SEMA3A: variants seen among roughly 807,000 people sequenced by gnomAD.
SEMA3A encodes the protein semaphorin-3A.
Under a neutral mutation model 97.9 loss-of-function variants are expected in SEMA3A, and 29 were observed. That is an observed-to-expected ratio of 0.30 (90% CI 0.22 to 0.40). The LOEUF (loss-of-function observed/expected upper bound fraction) is 0.40. SEMA3A is among the 10% of genes least tolerant of loss of function. The probability of loss-of-function intolerance (pLI) is 1.00; values close to 1 mark genes in which losing one functional copy is unlikely to be tolerated. For synonymous variants in SEMA3A, 321 were observed against 323.7 expected (o/e 0.99, Z 0.09); for missense variants, 763 against 951.3 (o/e 0.80, Z 2.60).
chr7:83,974,771 C>A (rs1361518892), intron 15 of SEMA3A, among the ~76,000 whole-genome samples: 1 of 151,922 alleles, frequency 6.6e-6, no homozygotes, highest in African/African-American at 2.4e-5. Context: ...TATGTGTAGT[C>A]ATTATCAAAA....
intron 15 of SEMA3A, among the ~76,000 whole-genome samples, chr7:83,967,981 T>C (rs1183173688): frequency 6.6e-6 from 1 of 152,172 alleles, no homozygotes; most frequent in Non-Finnish European, 1.5e-5. Flanking sequence ...TACTACTTTA[T>C]TATTTGCTAT....
chr7:84,260,509 C>T (rs1425802541), intron 3 of SEMA3A, among the ~76,000 whole-genome samples: 4 of 152,292 alleles, frequency 2.6e-5, no homozygotes, highest in African/African-American at 9.6e-5. Flanking sequence ...ACCAGAAAGC[C>T]TTTCACCCCT....
At chr7:84,472,432 C>T (rs943588574) in intron 1 of SEMA3A, among the ~76,000 whole-genome samples, 17 of 152,210 alleles carry the variant, frequency 1.1e-4, no homozygotes, top group African/African-American at 3.6e-4. Context: ...TAGGCTAAAA[C>T]GCATTAGTGC....
intron 4 of SEMA3A, among the ~76,000 whole-genome samples, chr7:84,062,763 G>A (rs1793294129): frequency 6.6e-6 from 1 of 152,174 alleles, no homozygotes; most frequent in Non-Finnish European, 1.5e-5. Context: ...TGGCTTGGAG[G>A]GTCCTACACC....
chr7:83,981,483 G>A lies in SEMA3A; in HGVS notation c.1495-5C>T, dbSNP rs201612526. ...TGAACCAATATATAGTTGTTGCTGT[G>A]GAAAGAGTTTACTGCTGTGACAAAA... On this transcript the variant is annotated splice_polypyrimidine_tract_variant and splice_region_variant and intron_variant, in intron 13 of 16. Transcript: ENST00000265362. 21 of 1,586,018 alleles carry A rather than the reference G, an allele frequency of 1.3e-5. No individual in the cohort carries two copies. In the Admixed American group the frequency reaches 3.7e-4, roughly 28 times the overall value.
chr7:84,129,094 G>C, intron 3 of SEMA3A, 29 bp downstream of exon 3: 9 of 1,534,414 alleles, frequency 5.9e-6, no homozygotes, highest in Non-Finnish European at 8.1e-6. Flanking sequence ...TACTCAACCT[G>C]TATAATAATT....
intron 16 of SEMA3A, 43 bp downstream of exon 16, chr7:83,963,162 T>A (rs774892934): frequency 3.1e-6 from 5 of 1,597,230 alleles, no homozygotes; most frequent in Non-Finnish European, 4.3e-6. Flanking sequence ...CATTTAACAG[T>A]GTATCTTAGA....
chr7:84,005,227 T>A (rs1346076499), intron 11 of SEMA3A, 112 bp downstream of exon 11: 13 of 750,546 alleles, frequency 1.7e-5, no homozygotes, highest in Non-Finnish European at 6.8e-6. Flanking sequence ...ATATGTGGAT[T>A]TTCAACTGCA....
chr7:84,426,005 ATT>A (rs1405648761), intron 1 of SEMA3A, among the ~76,000 whole-genome samples: 1 of 151,328 alleles, frequency 6.6e-6, no homozygotes, highest in Non-Finnish European at 1.5e-5. Context: ...GTAAATTCTC[ATT>A]TATATTTGGC....
chr7:84,237,749 C>T (rs1799268580), intron 3 of SEMA3A, among the ~76,000 whole-genome samples: 1 of 152,086 alleles, frequency 6.6e-6, no homozygotes, highest in Non-Finnish European at 1.5e-5. Flanking sequence ...ACAGAACATA[C>T]ATCCTGCTCT....
In SEMA3A at chr7:84,053,764, G is replaced by C. The variant is rs546134069; in HGVS notation, c.547+6701C>G. Among the ~76,000 whole-genome samples, 142 of 147,506 alleles carry C rather than the reference G, an allele frequency of 9.6e-4. 1 individual carries two copies. Among genetic ancestry groups the C allele is most frequent in the Middle Eastern group, 3.4e-3 (1 of 292 alleles). On this transcript the variant is annotated intron_variant, in intron 5 of 16. Transcript: ENST00000265362. ...ATTTGATCCTGTCATTATGATGTTA[G>C]CTGGTTATTTTGCTCGTTAATTGAT...
chr7:84,438,036 A>T (rs1403222329), intron 1 of SEMA3A, among the ~76,000 whole-genome samples: 1 of 152,088 alleles, frequency 6.6e-6, no homozygotes, highest in African/African-American at 2.4e-5. Flanking sequence ...CAATCTATCC[A>T]GAAAAGAGCT....
At chr7:84,395,151 T>A (rs1478600097) in intron 1 of SEMA3A, among the ~76,000 whole-genome samples, 1 of 152,068 alleles carries the variant, frequency 6.6e-6, no homozygotes, top group Non-Finnish European at 1.5e-5. Context: ...TAGTATTGTA[T>A]GAGGAGGAAA....
chr7:83,979,309 T>C (rs1789298482), intron 14 of SEMA3A, among the ~76,000 whole-genome samples: 1 of 152,096 alleles, frequency 6.6e-6, no homozygotes, highest in African/African-American at 2.4e-5. Flanking sequence ...AATTGTTGTA[T>C]TTTTAGTAGA....
At chr7:84,362,377 G>T (rs865957964) in intron 2 of SEMA3A, among the ~76,000 whole-genome samples, 13 of 151,852 alleles carry the variant, frequency 8.6e-5, no homozygotes, top group African/African-American at 2.9e-4. Flanking sequence ...AATGTTCAAC[G>T]ATTGTTAATT....
intron 7 of SEMA3A, among the ~76,000 whole-genome samples, 183 bp from the exon 8 acceptor site, chr7:84,011,480 G>A (rs1211042736): frequency 1.3e-5 from 2 of 152,120 alleles, no homozygotes; most frequent in African/African-American, 4.8e-5. Flanking sequence ...TGGTCGAATC[G>A]TTCCCTCAAG....
intron 1 of SEMA3A, among the ~76,000 whole-genome samples, chr7:84,483,444 A>G (rs1806494791): frequency 6.6e-6 from 1 of 152,126 alleles, no homozygotes; most frequent in South Asian, 2.1e-4. Context: ...CAAGAATCCT[A>G]GAAGCTGTGT....
intron 1 of SEMA3A, among the ~76,000 whole-genome samples, chr7:84,192,002 G>T (rs1433082827): frequency 5.9e-5 from 9 of 151,992 alleles, no homozygotes; most frequent in Non-Finnish European, 1.5e-5. Flanking sequence ...AGGCAAAAAT[G>T]ATAAGTAGAA....
chr7:84,218,416 C>G (rs562247794), intron 3 of SEMA3A, among the ~76,000 whole-genome samples: 1 of 152,106 alleles, frequency 6.6e-6, no homozygotes, highest in African/African-American at 2.4e-5. Context: ...ATCTTATCTT[C>G]TGCATTCGGA....
Sources: gnomAD v4.1 joint callset for allele counts (sites outside exome capture counted in the v4.1 genomes callset) on GRCh38, gnomAD v4.1.1 for gene constraint, MANE v1.5 for transcripts, NCBI Gene and HGNC (gene_info 2026-07-23, HGNC 2026-07-21) for gene names.